TUSC3: variants seen among roughly 807,000 people sequenced by gnomAD.
TUSC3 encodes the protein tumor suppressor candidate 3.
TUSC3 carries 45 observed loss-of-function variants against 44.8 expected under a neutral mutation model. That is an observed-to-expected ratio of 1.00 (90% confidence interval 0.79 to 1.29). The LOEUF (loss-of-function observed/expected upper bound fraction) is 1.29. TUSC3 is among the 50% of genes most tolerant of loss of function. The pLI is 0.00. For synonymous variants in TUSC3, 212 were observed against 152.9 expected (o/e 1.39, Z -2.85); for missense variants, 519 against 437.9 (o/e 1.19, Z -1.65).
chr8:15,440,755 T>A (rs1800010628), intron 1 of TUSC3, among the ~76,000 whole-genome samples: 1 of 152,200 alleles, frequency 6.6e-6, no homozygotes, highest in African/African-American at 2.4e-5. Context: ...TTCAGGAAAC[T>A]ATGTCTTCTT....
At chr8:15,576,501 C>G (rs1803122982) in intron 1 of TUSC3, among the ~76,000 whole-genome samples, 1 of 137,268 alleles carries the variant, frequency 7.3e-6, no homozygotes, top group Non-Finnish European at 1.5e-5. Flanking sequence ...GTGATATTCC[C>G]CTTCCTGTGT....
intron 2 of TUSC3, among the ~76,000 whole-genome samples, chr8:15,495,610 C>T (rs1435950997): frequency 1.3e-5 from 2 of 152,120 alleles, no homozygotes; most frequent in African/African-American, 4.8e-5. Flanking sequence ...TCCCCTAATG[C>T]ACAATTCTAC....
At chr8:15,583,612 T>C (rs1348156048) in intron 1 of TUSC3, among the ~76,000 whole-genome samples, 3 of 152,324 alleles carry the variant, frequency 2.0e-5, no homozygotes, top group Admixed American at 6.5e-5. Context: ...TTTTGAAATA[T>C]CATTGTTTTG....
chr8:15,597,695 A>T (rs556150098), intron 1 of TUSC3, among the ~76,000 whole-genome samples: 1 of 152,210 alleles, frequency 6.6e-6, no homozygotes, highest in South Asian at 2.1e-4. Flanking sequence ...CAAAACCTTC[A>T]TGAGTTTGTT....
chr8:15,751,374 C>T (rs1015409851), intron 9 of TUSC3, among the ~76,000 whole-genome samples: 6 of 152,160 alleles, frequency 3.9e-5, no homozygotes, highest in Non-Finnish European at 7.3e-5. Flanking sequence ...TCTCTTGCTC[C>T]AATCCTTCCA....
At chr8:15,505,403 C>G (rs28517830) in intron 2 of TUSC3, among the ~76,000 whole-genome samples, 5 of 152,190 alleles carry the variant, frequency 3.3e-5, no homozygotes, top group South Asian at 4.1e-4. Flanking sequence ...TGTACTATGT[C>G]TATTCCTTTT....
intron 1 of TUSC3, among the ~76,000 whole-genome samples, chr8:15,618,832 C>T (rs922308600): frequency 2.2e-4 from 33 of 152,292 alleles, no homozygotes; most frequent in Non-Finnish European, 3.2e-4. Context: ...AGGAGTAAAA[C>T]GGTGTGCTGC....
chr8:15,639,900 T>C (rs768948680), intron 2 of TUSC3, among the ~76,000 whole-genome samples: 10 of 151,164 alleles, frequency 6.6e-5, no homozygotes, highest in Non-Finnish European at 1.2e-4. Flanking sequence ...CATAATACAG[T>C]GAACAAAATA....
chr8:15,813,882 C>T, the TUSC3 span, among the ~76,000 whole-genome samples: 3 of 152,048 alleles, frequency 2.0e-5, no homozygotes, highest in Admixed American at 2.0e-4. Flanking sequence ...GTCTTCACAG[C>T]CAGTCTGCTT....
intron 1 of TUSC3, among the ~76,000 whole-genome samples, chr8:15,434,807 T>C (rs1563250004): frequency 6.6e-6 from 1 of 152,054 alleles, no homozygotes; most frequent in Non-Finnish European, 1.5e-5. Context: ...GTGCTTGCAA[T>C]AGTTTGCTGA....
intron 6 of TUSC3, among the ~76,000 whole-genome samples, chr8:15,727,615 A>C (rs13281205): frequency 0.2 from 31,126 of 152,088 alleles, 4,118 homozygotes; most frequent in Non-Finnish European, 0.3. Flanking sequence ...GTCAAATGTT[A>C]GTATACCTTC....
the TUSC3 span, among the ~76,000 whole-genome samples, chr8:15,798,384 T>C: frequency 6.6e-6 from 1 of 152,156 alleles, no homozygotes; most frequent in African/African-American, 2.4e-5. Context: ...CTTCCCCTTT[T>C]CAAAATTCCC....
At chr8:15,598,539 GT>G (rs1259385988) in intron 1 of TUSC3, among the ~76,000 whole-genome samples, 1 of 151,682 alleles carries the variant, frequency 6.6e-6, no homozygotes, top group Non-Finnish European at 1.5e-5. Flanking sequence ...TAGGGTAAAT[GT>G]TTAATGAAAT....
At chr8:15,724,866 A>T (rs544313289) in intron 6 of TUSC3, among the ~76,000 whole-genome samples, 1 of 152,328 alleles carries the variant, frequency 6.6e-6, no homozygotes, top group South Asian at 2.1e-4. Flanking sequence ...TCATATAGTT[A>T]GTGAGAGATA....
chr8:15,781,495 G>GT, the TUSC3 span, among the ~76,000 whole-genome samples: 1 of 152,038 alleles, frequency 6.6e-6, no homozygotes, highest in Non-Finnish European at 1.5e-5. Context: ...AAAGCAACTT[G>GT]TTACATACAA....
At chr8:15,539,345 C>CTGTTTTTT (rs1801592062), upstream of TUSC3, among the ~76,000 whole-genome samples, 1 of 69,396 alleles carries the variant, frequency 1.4e-5, no homozygotes, top group Non-Finnish European at 2.5e-5. Flanking sequence ...TGCTATGGTT[C>CTGTTTTTT]TTTTTTTTTT....
chr8:15,443,968 C>T (rs147941068), intron 1 of TUSC3, among the ~76,000 whole-genome samples: 6 of 152,084 alleles, frequency 3.9e-5, no homozygotes, highest in African/African-American at 1.4e-4. Context: ...CTTCCCCCAC[C>T]CCACCAAGCT....
rs567716273 is a variant in TUSC3, at chr8:15,715,734, G to A, written c.799-14932G>A. ...AATTATTTCACATTTTTCTAGCGGT[G>A]GTCTCTATTTTAGAAAAAAAAATGC... On this transcript the variant is annotated intron_variant, in intron 6 of 10. Coordinates refer to ENST00000503731, the MANE Select transcript of TUSC3 (RefSeq NM_006765.4). 2.0e-5 allele frequency among the ~76,000 whole-genome samples: 3 copies of A among 151,814 alleles called. 1 individual carries two copies. Among genetic ancestry groups the A allele is most frequent in the South Asian group, 4.2e-4 (2 of 4,800 alleles).
intron 6 of TUSC3, among the ~76,000 whole-genome samples, chr8:15,688,345 C>G (rs145256797): frequency 4.6e-5 from 7 of 152,092 alleles, no homozygotes; most frequent in African/African-American, 1.4e-4. Flanking sequence ...TAGGTTTTGA[C>G]TCCACATAAT....
Sources: allele counts gnomAD v4.1 joint callset (sites outside exome capture counted in the v4.1 genomes callset), GRCh38; gene constraint gnomAD v4.1.1; transcripts MANE v1.5; gene names NCBI Gene and HGNC (gene_info 2026-07-23, HGNC 2026-07-21).